Variants in WNK1 observed in about 807,000 individuals in gnomAD.
WNK1 encodes serine/threonine-protein kinase WNK1.
In WNK1, 38 loss-of-function variants were observed where a neutral mutation model predicts 222.8. The ratio of observed to expected loss-of-function variants is 0.17; its 90% CI spans 0.13 to 0.22. The LOEUF is 0.22. Among genes scored for constraint, WNK1 ranks in the 10% least tolerant of loss-of-function variants. The pLI, the probability that WNK1 is intolerant of heterozygous loss-of-function variation, is 1.00. For missense variants in WNK1, 2,348 were observed against 2,918.4 expected (o/e 0.80, Z 4.50); for synonymous variants, 1,090 against 1,092.9 (o/e 1.00, Z 0.05).
At chr12:803,756 AAAAG>A (rs1199371223) in intron 1 of WNK1, among the ~76,000 whole-genome samples, 1 of 152,208 alleles carries the variant, frequency 6.6e-6, no homozygotes, top group Admixed American at 6.5e-5. Context: ...AAATAATAAA[AAAAG>A]AAATATGGCA....
At chr12:794,106 G>A (rs1387732107) in intron 1 of WNK1, among the ~76,000 whole-genome samples, 1 of 152,052 alleles carries the variant, frequency 6.6e-6, no homozygotes, top group African/African-American at 2.4e-5. Flanking sequence ...CATTTTTATG[G>A]TTGAGTAATT....
intron 9 of WNK1, among the ~76,000 whole-genome samples, chr12:877,654 A>C (rs186378467): frequency 2.0e-5 from 3 of 152,232 alleles, no homozygotes. Context: ...AATCTAAGGC[A>C]TTAACAGCTA....
At position 899,650 on chromosome 12, in the gene WNK1, CGGG is replaced by C. The variant is rs1955059759; in HGVS notation, c.6449-824_6449-822del. Among the ~76,000 whole-genome samples the C allele has an allele frequency of 6.6e-5, 10 of 152,164 alleles. No homozygotes were observed. The South Asian group carries it at 2.1e-3, about 32-fold the overall frequency. The stretch of plus-strand genomic sequence containing the variant: ...AGTGGACTTGAATTCAACTGGGAAC[CGGG>C]GAGCAGAGAGTCAATTTTAGGACAA... On this transcript the variant is annotated intron_variant, in intron 25 of 27. Transcript: ENST00000315939.
At chr12:821,744 T>C (rs1591852017) in intron 2 of WNK1, among the ~76,000 whole-genome samples, 1 of 152,238 alleles carries the variant, frequency 6.6e-6, no homozygotes, top group East Asian at 1.9e-4. Context: ...ATATAATTGT[T>C]ATTTTTTATG....
In WNK1 at chr12:798,325, G is replaced by A. The variant is rs569900232; in HGVS notation, c.760-15317G>A. Among the ~76,000 whole-genome samples, 9 of 151,980 alleles carry A rather than the reference G, an allele frequency of 5.9e-5. No individual in the cohort carries two copies. The South Asian group carries it at 8.4e-4, about 14-fold the overall frequency. On this transcript the variant is annotated intron_variant, in intron 1 of 27. Coordinates refer to ENST00000315939, the MANE Select transcript of WNK1 (RefSeq NM_018979.4). ...TCCCACCTCAGCCTCCTGAATAGCT[G>A]GGACTACAGGCACCCTCCACCACGC...
At chr12:861,681 C>T (rs559056086) in intron 7 of WNK1, among the ~76,000 whole-genome samples, 2 of 151,994 alleles carry the variant, frequency 1.3e-5, no homozygotes, top group African/African-American at 4.8e-5. Flanking sequence ...AAAATTGAAC[C>T]CATCAGTCTG....
At chr12:855,606 AACTTAACTTTTCTGACC>A (rs886582012) in intron 4 of WNK1, among the ~76,000 whole-genome samples, 2 of 152,162 alleles carry the variant, frequency 1.3e-5, no homozygotes, top group African/African-American at 4.8e-5. Context: ...TATATTTAAT[AACTTAACTTTTCTGACC>A]ACCCCACCCC....
chr12:871,915 A>G (rs1020816768), intron 9 of WNK1, among the ~76,000 whole-genome samples: 2 of 152,140 alleles, frequency 1.3e-5, no homozygotes, highest in South Asian at 2.1e-4. Context: ...GATTCTACAC[A>G]TAATTTACGG....
At chr12:785,262 T>G (rs561997063) in intron 1 of WNK1, among the ~76,000 whole-genome samples, 1 of 152,258 alleles carries the variant, frequency 6.6e-6, no homozygotes, top group Admixed American at 6.5e-5. Context: ...GGAAACTCAC[T>G]GGCCATCAAT....
At chr12:815,308 A>G (rs67464713) in intron 2 of WNK1, among the ~76,000 whole-genome samples, 34,611 of 152,104 alleles carry the variant, frequency 0.23, 4,833 homozygotes, top group East Asian at 0.51. Context: ...ACTGTGGCAT[A>G]TATTCTTTAT....
intron 4 of WNK1, among the ~76,000 whole-genome samples, chr12:833,365 T>A (rs981737736): frequency 6.6e-6 from 1 of 152,240 alleles, no homozygotes; most frequent in Non-Finnish European, 1.5e-5. Flanking sequence ...TTTGCTGATA[T>A]CAGAGCAAGT....
chr12:858,228 C>G (rs572188103), intron 5 of WNK1, among the ~76,000 whole-genome samples: 61 of 149,216 alleles, frequency 4.1e-4, no homozygotes, highest in African/African-American at 1.5e-3. Context: ...CTTGTCACGT[C>G]GCCTAGGCTG....
At position 819,107 on chromosome 12, in the gene WNK1, G is replaced by A. The variant is rs551496603; in HGVS notation, c.932+5293G>A. ...CATTTCCCTAATGATTAATAATGTG[G>A]AACATCTTTTCATATGCTTATTGGC... is the stretch of plus-strand genomic sequence containing the variant. On this transcript the variant is annotated intron_variant, in intron 2 of 27. Transcript: ENST00000315939. Among the ~76,000 whole-genome samples the A allele has an allele frequency of 2.0e-5, 3 of 152,262 alleles. No individual in the cohort carries two copies. In the East Asian group the frequency reaches 5.8e-4, roughly 29 times the overall value.
At position 753,580 on chromosome 12, in the gene WNK1, C is replaced by A; in HGVS notation, c.15C>A (p.Ala5=). 1 of 1,612,596 alleles carries A rather than the reference C, an allele frequency of 6.2e-7. No homozygotes were observed. Among genetic ancestry groups the A allele is most frequent in the Non-Finnish European group, 8.5e-7 (1 of 1,179,936 alleles). Residue 5 remains alanine, a synonymous_variant, in exon 1 of 28, where the codon GCC becomes GCA. Coordinates refer to ENST00000315939, the MANE Select transcript of WNK1 (RefSeq NM_018979.4). This position sits in a 1 kb window ranked among gnomAD's most constrained non-coding sequence, Gnocchi z 5.2. ...GCGAACCGACCATGTCTGGCGGCGC[C>A]GCAGAGAAGCAGAGCAGCACTCCCG... MSGG[A]AEKQSSTPGS... is the part of the protein sequence containing the mutation.
chr12:765,524 G>A lies in WNK1; in HGVS notation c.759+11200G>A, dbSNP rs962733265. On this transcript the variant is annotated intron_variant, in intron 1 of 27. Transcript: ENST00000315939. Reference sequence around the variant, plus strand: ...ATCATGCCACTTGCACTTCAGCCTAGGTGACAGAGCTATGACCCTGTCTCA... The same window carrying A: ...ATCATGCCACTTGCACTTCAGCCTAAGTGACAGAGCTATGACCCTGTCTCA... 4.0e-5 allele frequency among the ~76,000 whole-genome samples: 5 copies of A among 125,966 alleles called. No individual in the cohort carries two copies. In the East Asian group the frequency reaches 1.1e-3, roughly 27 times the overall value. The allele number at this position is 125,966 out of a possible 152,430, so 82.6% of individuals were successfully genotyped here.
chr12:868,423 A>G (rs140778801), intron 8 of WNK1: 2 of 1,613,948 alleles, frequency 1.2e-6, no homozygotes, highest in African/African-American at 2.7e-5. Flanking sequence ...CTGTCTTTGA[A>G]TTTCCATCTG....
At chr12:830,492 A>C (rs1948708872) in intron 4 of WNK1, among the ~76,000 whole-genome samples, 1 of 152,218 alleles carries the variant, frequency 6.6e-6, no homozygotes, top group Non-Finnish European at 1.5e-5. Flanking sequence ...GTCAGAGTTA[A>C]AAGTAATGTT....
In WNK1 at chr12:813,733, A is replaced by T; in HGVS notation, c.851A>T (p.Tyr284Phe). Residue 284 changes from tyrosine to phenylalanine, a missense_variant, in exon 2 of 28, where the codon TAT (tyrosine) becomes TTT (phenylalanine). Around this residue, in one of 13 missense-constraint regions of WNK1, gnomAD observed 57 missense variants for 219.0 expected, o/e 0.26. Transcript: ENST00000315939. ...GLQHPNIVRF[Y>F]DSWESTVKGK... ...CAGCATCCCAATATTGTTAGATTTT[A>T]TGATTCCTGGGAATCCACAGTAAAA... The T allele has an allele frequency of 6.2e-7, 1 of 1,614,056 alleles. No individual in the cohort carries two copies. Among genetic ancestry groups the T allele is most frequent in the Non-Finnish European group, 8.5e-7 (1 of 1,179,970 alleles).
intron 9 of WNK1, among the ~76,000 whole-genome samples, chr12:876,498 G>GCTAAA (rs1217203801): frequency 6.6e-6 from 1 of 152,120 alleles, no homozygotes. Context: ...TTCTTTTGGT[G>GCTAAA]ATTTTAATTG....
Sources: allele counts gnomAD v4.1 joint callset (sites outside exome capture counted in the v4.1 genomes callset), GRCh38; gene constraint gnomAD v4.1.1; regional missense constraint gnomAD v4.1.1; non-coding constraint Gnocchi (gnomAD v3.1); transcripts MANE v1.5; gene names NCBI Gene and HGNC (gene_info 2026-07-23, HGNC 2026-07-21).